The following NELL2 variants were observed in gnomAD, a reference collection of about 807,000 sequenced individuals.
The protein encoded by NELL2 is neural EGFL like 2.
NELL2 carries 41 observed loss-of-function variants against 109.6 expected under a neutral mutation model. That is an observed-to-expected ratio of 0.37 (90% CI 0.29 to 0.49). The LOEUF is 0.49. Among genes scored for constraint, NELL2 ranks in the 20% least tolerant of loss-of-function variants. The pLI, the probability that NELL2 is intolerant of heterozygous loss-of-function variation, is 0.98. For synonymous variants in NELL2, 355 were observed against 344.7 expected (o/e 1.03, Z -0.33); for missense variants, 900 against 1,008.3 (o/e 0.89, Z 1.45).
At chr12:44,913,061 T>C (rs542844510) in intron 1 of NELL2, among the ~76,000 whole-genome samples, 12 of 152,230 alleles carry the variant, frequency 7.9e-5, no homozygotes, top group Non-Finnish European at 1.5e-4. Flanking sequence ...ATAATGTGTA[T>C]TTCTGTTAAA....
At chr12:44,729,417 G>C (rs1253823528) in intron 9 of NELL2, among the ~76,000 whole-genome samples, 1 of 151,554 alleles carries the variant, frequency 6.6e-6, no homozygotes, top group Non-Finnish European at 1.5e-5. Context: ...AAACACAAAG[G>C]AAGACAACAA....
At chr12:44,576,262 GCTCTGACTT>G (rs1368559015) in intron 15 of NELL2, among the ~76,000 whole-genome samples, 1 of 152,214 alleles carries the variant, frequency 6.6e-6, no homozygotes, top group East Asian at 1.9e-4. Context: ...CAATGCAGCA[GCTCTGACTT>G]CTCTGTAAGA....
intron 13 of NELL2, among the ~76,000 whole-genome samples, chr12:44,614,229 C>T (rs1364355770): frequency 6.6e-6 from 1 of 151,902 alleles, no homozygotes; most frequent in Non-Finnish European, 1.5e-5. Context: ...CATTTTCTAG[C>T]TCCTCTTCAT....
intron 12 of NELL2, among the ~76,000 whole-genome samples, chr12:44,678,790 A>C (rs1228409609): frequency 6.6e-6 from 1 of 152,128 alleles, no homozygotes; most frequent in Non-Finnish European, 1.5e-5. Context: ...AGCAAAATAC[A>C]GATGGAAAGT....
chr12:44,857,600 T>C (rs955186393), intron 2 of NELL2, among the ~76,000 whole-genome samples: 5 of 152,110 alleles, frequency 3.3e-5, no homozygotes, highest in African/African-American at 4.8e-5. Context: ...GTAAAACAAT[T>C]GTGTCATTTG....
At chr12:44,514,600 GA>G (rs1941169825) in intron 19 of NELL2, among the ~76,000 whole-genome samples, 1 of 151,458 alleles carries the variant, frequency 6.6e-6, no homozygotes, top group Non-Finnish European at 1.5e-5. Flanking sequence ...GGTATGTATA[GA>G]AAAAACATAG....
intron 15 of NELL2, among the ~76,000 whole-genome samples, chr12:44,559,849 T>C (rs1592118829): frequency 6.6e-6 from 1 of 152,286 alleles, no homozygotes; most frequent in African/African-American, 2.4e-5. Context: ...TCTACAGAAC[T>C]GTCCACCCAA....
chr12:44,845,691 T>G (rs559108634), intron 2 of NELL2, among the ~76,000 whole-genome samples: 37 of 152,270 alleles, frequency 2.4e-4, no homozygotes, highest in African/African-American at 8.9e-4. Context: ...AGCTAACAAT[T>G]AAGATTTGGA....
chr12:44,790,694 A>G (rs1942350223), intron 3 of NELL2, among the ~76,000 whole-genome samples: 1 of 152,060 alleles, frequency 6.6e-6, no homozygotes, highest in African/African-American at 2.4e-5. Flanking sequence ...AATGGCCTAA[A>G]TGCTCCACAT....
Position 44,875,982 on chromosome 12 carries a change from G to T in NELL2, c.-113C>A, listed in dbSNP as rs1365141240. 4 of 1,566,870 alleles carry T rather than the reference G, an allele frequency of 2.6e-6. No individual in the cohort carries two copies. The highest frequency in any genetic ancestry group is 1.4e-5 in the African/African-American group (1 of 73,742). ...GTTTGTCTCTCCTGCTGCTGCCTCG[G>T]ATTTACTGATCAGTAGGATTAATAC... On this transcript the variant is annotated 5_prime_UTR_variant, in exon 1 of 20. Transcript: ENST00000429094.
At chr12:44,700,381 A>G (rs1949193046) in intron 12 of NELL2, among the ~76,000 whole-genome samples, 1 of 152,164 alleles carries the variant, frequency 6.6e-6, no homozygotes, top group South Asian at 2.1e-4. Flanking sequence ...AAAATCTTTA[A>G]TTAGCTGTCC....
intron 3 of NELL2, among the ~76,000 whole-genome samples, chr12:44,786,700 A>C (rs1265184358): frequency 6.6e-6 from 1 of 152,230 alleles, no homozygotes; most frequent in Non-Finnish European, 1.5e-5. Context: ...GCAGCCATAA[A>C]AAAGGATGAG....
At chr12:44,550,302 C>T (rs1942980759) in intron 15 of NELL2, among the ~76,000 whole-genome samples, 1 of 151,832 alleles carries the variant, frequency 6.6e-6, no homozygotes, top group African/African-American at 2.4e-5. Flanking sequence ...ACATATATAT[C>T]CAAATAACTT....
intron 9 of NELL2, among the ~76,000 whole-genome samples, chr12:44,749,615 T>C (rs940208374): frequency 2.6e-5 from 4 of 152,126 alleles, no homozygotes; most frequent in Admixed American, 6.6e-5. Flanking sequence ...CTGATGTCAT[T>C]TGAGGATTAT....
At chr12:44,811,964 T>C (rs571081434) in intron 3 of NELL2, among the ~76,000 whole-genome samples, 41 of 152,170 alleles carry the variant, frequency 2.7e-4, no homozygotes, top group African/African-American at 9.6e-4. Flanking sequence ...AGCGTCACAA[T>C]GCCACTGCCA....
At chr12:44,919,498 G>T (rs1324759896) in intron 1 of NELL2, among the ~76,000 whole-genome samples, 2 of 152,046 alleles carry the variant, frequency 1.3e-5, no homozygotes, top group Admixed American at 6.6e-5. Context: ...TTCTGCAGAC[G>T]CTCAAGTTAG....
At chr12:44,883,302 A>T (rs1283110797) in intron 1 of NELL2, among the ~76,000 whole-genome samples, 1 of 152,144 alleles carries the variant, frequency 6.6e-6, no homozygotes, top group East Asian at 1.9e-4. Flanking sequence ...GGGTGTCTGC[A>T]TTCCTTGGCT....
chr12:44,705,438 G>A (rs146777078), intron 11 of NELL2, among the ~76,000 whole-genome samples: 30 of 152,248 alleles, frequency 2.0e-4, no homozygotes, highest in African/African-American at 7.0e-4. Flanking sequence ...CTTTTGACAA[G>A]AGTCTTCACA....
intron 9 of NELL2, among the ~76,000 whole-genome samples, chr12:44,754,484 A>G (rs1402947139): frequency 6.6e-6 from 1 of 152,182 alleles, no homozygotes; most frequent in Non-Finnish European, 1.5e-5. Context: ...TTACATTACT[A>G]AAGTCATTCC....
Sources: allele counts gnomAD v4.1 joint callset (sites outside exome capture counted in the v4.1 genomes callset), GRCh38; gene constraint gnomAD v4.1.1; transcripts MANE v1.5; gene names NCBI Gene and HGNC (gene_info 2026-07-23, HGNC 2026-07-21).